MGAT5: variants seen among roughly 807,000 people sequenced by gnomAD.
MGAT5 encodes the protein alpha-1,6-mannosylglycoprotein 6-beta-N-acetylglucosaminyltransferase, also known as alpha-1,6-mannosylglycoprotein 6-beta-N-acetylglucosaminyltransferase A.
Under a neutral mutation model 94.3 loss-of-function variants are expected in MGAT5, and 30 were observed. The ratio of observed to expected loss-of-function variants is 0.32; its 90% CI spans 0.24 to 0.43. The LOEUF (loss-of-function observed/expected upper bound fraction) is 0.43, where lower values mean the gene tolerates loss of function less well. MGAT5 is among the 20% of genes least tolerant of loss of function. The pLI, the probability that MGAT5 is intolerant of heterozygous loss-of-function variation, is 1.00. For missense variants in MGAT5, 691 were observed against 905.5 expected (o/e 0.76, Z 3.04); for synonymous variants, 310 against 322.9 (o/e 0.96, Z 0.43).
intron 1 of MGAT5, among the ~76,000 whole-genome samples, chr2:134,187,420 A>G (rs1202385070): frequency 6.6e-6 from 1 of 152,060 alleles, no homozygotes; most frequent in African/African-American, 2.4e-5. Flanking sequence ...ATCCGTTGAG[A>G]ATGAATTGGC....
intron 1 of MGAT5, among the ~76,000 whole-genome samples, chr2:134,216,471 C>G (rs1680504000): frequency 6.6e-6 from 1 of 152,194 alleles, no homozygotes; most frequent in African/African-American, 2.4e-5. Flanking sequence ...CATTGTGTTT[C>G]TTCCTTACCA....
chr2:134,246,150 T>A (rs1048467403), intron 1 of MGAT5, among the ~76,000 whole-genome samples: 10 of 142,320 alleles, frequency 7.0e-5, no homozygotes, highest in Non-Finnish European at 1.5e-4. Context: ...TCATTTAGAA[T>A]GTGTTTTTCC....
At chr2:134,416,894 C>T (rs747817420) in intron 12 of MGAT5, among the ~76,000 whole-genome samples, 43 of 151,630 alleles carry the variant, frequency 2.8e-4, no homozygotes, top group Non-Finnish European at 5.2e-4. Flanking sequence ...CATGAGTCAC[C>T]ATGCCTGGCC....
chr2:134,175,489 C>T (rs1210763705), intron 1 of MGAT5, among the ~76,000 whole-genome samples: 1 of 152,272 alleles, frequency 6.6e-6, no homozygotes, highest in Non-Finnish European at 1.5e-5. Flanking sequence ...CTGGATCCAC[C>T]CTTAGCTACG....
At chr2:134,412,683 A>T (rs1683738966) in intron 11 of MGAT5, among the ~76,000 whole-genome samples, 186 bp from the exon 12 acceptor site, 1 of 152,008 alleles carries the variant, frequency 6.6e-6, no homozygotes. Context: ...AAAAGTTCGT[A>T]GTTTTTCAGA....
intron 11 of MGAT5, among the ~76,000 whole-genome samples, chr2:134,412,148 G>T (rs962838079): frequency 6.6e-6 from 1 of 152,116 alleles, no homozygotes; most frequent in Non-Finnish European, 1.5e-5. Flanking sequence ...AGCTGCTGTG[G>T]TTGCTCTGAG....
chr2:134,230,290 G>T (rs1235379379), intron 1 of MGAT5, among the ~76,000 whole-genome samples: 1 of 152,182 alleles, frequency 6.6e-6, no homozygotes, highest in East Asian at 1.9e-4. Flanking sequence ...GAGCTCAGGT[G>T]GTAATGCTCA....
At chr2:134,166,808 T>C (rs1687982325) in intron 1 of MGAT5, among the ~76,000 whole-genome samples, 1 of 152,210 alleles carries the variant, frequency 6.6e-6, no homozygotes. Flanking sequence ...CAATGCACAA[T>C]AGATGAGGTC....
intron 1 of MGAT5, among the ~76,000 whole-genome samples, chr2:134,145,214 C>CTGTGTGTGTGTGTGTGTGTGTGTGTG (rs59065013): frequency 7.0e-6 from 1 of 143,762 alleles, no homozygotes; most frequent in African/African-American, 2.6e-5. Flanking sequence ...GTCTCTCTCT[C>CTGTGTGTGTGTGTGTGTGTGTGTGTG]TGTGTGTGTG....
intron 10 of MGAT5, among the ~76,000 whole-genome samples, chr2:134,402,220 C>A (rs762547117): frequency 6.6e-6 from 1 of 152,202 alleles, no homozygotes; most frequent in South Asian, 2.1e-4. Flanking sequence ...GGTGAACTTG[C>A]TTCCACTTCA....
intron 10 of MGAT5, among the ~76,000 whole-genome samples, chr2:134,385,305 C>T (rs1681903872): frequency 1.3e-5 from 2 of 152,130 alleles, no homozygotes; most frequent in African/African-American, 4.8e-5. Context: ...CCAAGTACTG[C>T]TATGCATTAA....
At chr2:134,235,070 A>G (rs1681564644) in intron 1 of MGAT5, among the ~76,000 whole-genome samples, 1 of 152,002 alleles carries the variant, frequency 6.6e-6, no homozygotes, top group Non-Finnish European at 1.5e-5. Context: ...GCTTCTTTGG[A>G]AAATTGGAAG....
intron 1 of MGAT5, among the ~76,000 whole-genome samples, chr2:134,248,092 C>G (rs1384392785): frequency 6.6e-6 from 1 of 152,146 alleles, no homozygotes. Context: ...TTAGTTTAAC[C>G]CTGCCTCTTC....
chr2:134,179,891 G>C lies in MGAT5; in HGVS notation c.-143+59600G>C, dbSNP rs533008818. 5.3e-5 allele frequency among the ~76,000 whole-genome samples: 8 copies of C among 152,326 alleles called. No homozygotes were observed. The East Asian group carries it at 1.5e-3, about 29-fold the overall frequency. On this transcript the variant is annotated intron_variant, in intron 1 of 16. Coordinates refer to the MGAT5 transcript ENST00000409645. Reference sequence around the variant, plus strand: ...CACAAAGACCTTGCTGGTAAAGCAGGATGCAATAAAGAAGCTGGCCAAATC... The same window carrying C: ...CACAAAGACCTTGCTGGTAAAGCAGCATGCAATAAAGAAGCTGGCCAAATC...
intron 4 of MGAT5, among the ~76,000 whole-genome samples, chr2:134,324,754 G>C (rs1354407067): frequency 6.6e-6 from 1 of 152,048 alleles, no homozygotes; most frequent in Admixed American, 6.6e-5. Context: ...GTTTTGGGGT[G>C]GGTCAGGGAG....
chr2:134,253,907 C>T (rs1487789211), upstream of MGAT5, among the ~76,000 whole-genome samples: 1 of 152,190 alleles, frequency 6.6e-6, no homozygotes, highest in Non-Finnish European at 1.5e-5. Flanking sequence ...ACAAAAGGGC[C>T]TGATGGTGAT....
chr2:134,363,888 A>G (rs1355150520), intron 10 of MGAT5, among the ~76,000 whole-genome samples: 1 of 152,222 alleles, frequency 6.6e-6, no homozygotes, highest in Non-Finnish European at 1.5e-5. Flanking sequence ...AGTTGGGTTA[A>G]AACAGGCATA....
At chr2:134,324,350 A>T (rs1285269361) in intron 4 of MGAT5, among the ~76,000 whole-genome samples, 1 of 152,174 alleles carries the variant, frequency 6.6e-6, no homozygotes, top group Non-Finnish European at 1.5e-5. Context: ...GGAGCAAAAG[A>T]AGCAGTTTCA....
intron 14 of MGAT5, among the ~76,000 whole-genome samples, chr2:134,431,784 C>CAGATGG (rs143553866): frequency 6.6e-6 from 1 of 152,092 alleles, no homozygotes; most frequent in Non-Finnish European, 1.5e-5. Context: ...CAGTGGGAGC[C>CAGATGG]AGACGGAGCC....
Sources: allele counts gnomAD v4.1 joint callset (sites outside exome capture counted in the v4.1 genomes callset), GRCh38; gene constraint gnomAD v4.1.1; transcripts MANE v1.5; gene names NCBI Gene and HGNC (gene_info 2026-07-23, HGNC 2026-07-21).